ZNF215: variants seen among roughly 807,000 people sequenced by gnomAD.
ZNF215 encodes BWSCR2-associated zinc finger protein 2.
ZNF215 carries 24 observed loss-of-function variants against 27.2 expected under a neutral mutation model. The ratio of observed to expected loss-of-function variants is 0.88; its 90% confidence interval spans 0.64 to 1.24. ZNF215 has a LOEUF of 1.24. Among genes scored for constraint, ZNF215 ranks in the 50% most tolerant of loss-of-function variants. ZNF215 has a pLI of 0.00. For missense variants in ZNF215, 675 were observed against 605.7 expected, an observed-to-expected ratio of 1.11 and a Z score of -1.20; for synonymous variants, 210 against 204.0, an observed-to-expected ratio of 1.03 and a Z score of -0.25.
At chr11:6,969,701 T>C (rs183179881) in intron 5 of ZNF215, among the ~76,000 whole-genome samples, 1 of 152,308 alleles carries the variant, frequency 6.6e-6, no homozygotes, top group African/African-American at 2.4e-5. Context: ...GATTATATCC[T>C]AAGAAAAAAA....
chr11:6,991,842 GAGCAAGCTTATTATTACTAC>G (rs1318451347), downstream of ZNF215, among the ~76,000 whole-genome samples: 2 of 152,142 alleles, frequency 1.3e-5, no homozygotes, highest in African/African-American at 4.8e-5. Context: ...TGGTTAGCCA[GAGCAAGCTTATTATTACTAC>G]AACTAGTTAC....
rs1215600484 is a variant in ZNF215, at chr11:6,957,724, A to T, written c.*1193A>T. ...TGCAGTTCCTAAGAACCTATTGATG[A>T]TGTTCAGTGCAGACTTACTGTACCT... On this transcript the variant is annotated 3_prime_UTR_variant, in exon 7 of 7. Transcript: ENST00000278319. The T allele has an allele frequency of 1.0e-6, 1 of 984,644 alleles. No individual in the cohort carries two copies. Among genetic ancestry groups the T allele is most frequent in the Non-Finnish European group, 1.2e-6 (1 of 829,266 alleles). 61.0% of individuals were successfully genotyped at this position (984,644 alleles called of 1,614,324 possible). A position where few individuals can be genotyped will look rare whatever the true frequency, so the allele number is the denominator to read the frequency against.
At position 6,956,252 on chromosome 11, in the gene ZNF215, T is replaced by C. The variant is rs1850347079; in HGVS notation, c.1275T>C (p.His425=). ...FFNRRTNLTK[H]QKLHAEAKAC... is the part of the protein sequence containing the mutation. ...ACCGACGTACAAACCTTACTAAGCA[T>C]CAAAAACTTCATGCTGAAGCAAAGG... is the stretch of plus-strand genomic sequence containing the variant. Residue 425 remains histidine, a synonymous_variant, in exon 7 of 7, where the codon CAT becomes CAC. Coordinates refer to ENST00000278319, the MANE Select transcript of ZNF215 (RefSeq NM_013250.4). 6.2e-7 allele frequency: 1 copy of C among 1,613,782 alleles called. No individual in the cohort carries two copies. The highest frequency in any genetic ancestry group is 2.2e-5 in the East Asian group (1 of 44,862).
intron 5 of ZNF215, among the ~76,000 whole-genome samples, chr11:6,970,380 G>C (rs544497435): frequency 6.6e-6 from 1 of 152,278 alleles, no homozygotes; most frequent in Non-Finnish European, 1.5e-5. Flanking sequence ...ATCCTGATAT[G>C]AACAAATCTG....
At chr11:6,953,330 T>C (rs748145610) in intron 6 of ZNF215, among the ~76,000 whole-genome samples, 4 of 152,226 alleles carry the variant, frequency 2.6e-5, no homozygotes, top group Non-Finnish European at 5.9e-5. Context: ...TGCAGAGTGT[T>C]TTCTAACTTG....
chr11:6,953,754 C>T (rs1476169382), intron 6 of ZNF215, among the ~76,000 whole-genome samples: 1 of 152,218 alleles, frequency 6.6e-6, no homozygotes, highest in African/African-American at 2.4e-5. Flanking sequence ...CATTCTCCGT[C>T]CGGCTTTGTT....
rs147064951 is a variant in ZNF215, at chr11:6,973,071, G to A, written c.806-11058G>A. Among the ~76,000 whole-genome samples the A allele has an allele frequency of 7.1e-3, 1,081 of 151,904 alleles. 10 individuals carry two copies. Among genetic ancestry groups the A allele is most frequent in the African/African-American group, 0.023 (938 of 41,406 alleles). On this transcript the variant is annotated intron_variant, in intron 5 of 5. Coordinates refer to the ZNF215 transcript ENST00000529903. ...TCCCTCCCACCCCACAACAGGCCCC[G>A]GTGTGTGATGTCCCCCTTCCTGTCT...
chr11:6,938,892 A>G lies in ZNF215; in HGVS notation c.401-2679A>G, dbSNP rs150369700. On this transcript the variant is annotated intron_variant, in intron 3 of 6. Transcript: ENST00000278319. ...AAATAGCTAATATGGTGAATTTTAT[A>G]TTATGTGAATTTTGCCTTTTTTTAA... Among the ~76,000 whole-genome samples the G allele has an allele frequency of 2.2e-3, 332 of 152,266 alleles. 3 individuals are homozygous for G. Among genetic ancestry groups the G allele is most frequent in the African/African-American group, 6.8e-3 (283 of 41,564 alleles).
chr11:6,945,383 C>T (rs1420411551), intron 6 of ZNF215, among the ~76,000 whole-genome samples: 1 of 152,114 alleles, frequency 6.6e-6, no homozygotes, highest in Non-Finnish European at 1.5e-5. Flanking sequence ...CTACATCCTC[C>T]TCTAGCTATT....
downstream of ZNF215, among the ~76,000 whole-genome samples, chr11:6,991,398 G>T (rs1407642720): frequency 6.6e-6 from 1 of 152,188 alleles, no homozygotes; most frequent in East Asian, 1.9e-4. Flanking sequence ...CTGCGGCAGG[G>T]CTGGGGCTGT....
chr11:6,958,131 C>T, downstream of ZNF215: 1 of 932,332 alleles, frequency 1.1e-6, no homozygotes, highest in Non-Finnish European at 1.3e-6. Flanking sequence ...TTCGTATAAA[C>T]AAGAGATAAC....
chr11:6,977,863 T>TA (rs1220518415), intron 5 of ZNF215, among the ~76,000 whole-genome samples: 1 of 152,070 alleles, frequency 6.6e-6, no homozygotes, highest in Non-Finnish European at 1.5e-5. Flanking sequence ...TAATCACTCA[T>TA]AAAATTGAAA....
intron 6 of ZNF215, 23 bp from the exon 7 acceptor site, chr11:6,955,667 T>C (rs767999477): frequency 6.5e-7 from 1 of 1,528,546 alleles, no homozygotes; most frequent in East Asian, 2.3e-5. Context: ...TTCTAGTTCA[T>C]GGCATTTTTT....
downstream of ZNF215, among the ~76,000 whole-genome samples, chr11:6,992,439 G>A (rs571879445): frequency 2.6e-5 from 4 of 152,288 alleles, no homozygotes; most frequent in South Asian, 8.3e-4. Context: ...CCATCAATAG[G>A]ATAAACATGC....
chr11:6,975,919 C>G (rs1261867259), intron 5 of ZNF215, among the ~76,000 whole-genome samples: 1 of 152,046 alleles, frequency 6.6e-6, no homozygotes, highest in East Asian at 1.9e-4. Context: ...TTTGAGAAAC[C>G]TCCAAACTGT....
intron 5 of ZNF215, among the ~76,000 whole-genome samples, chr11:6,973,303 G>C (rs1229662334): frequency 6.6e-6 from 1 of 152,072 alleles, no homozygotes; most frequent in African/African-American, 2.4e-5. Flanking sequence ...TCATTGATGG[G>C]CATTTGGATT....
chr11:6,933,241 C>T (rs561636081), intron 3 of ZNF215, among the ~76,000 whole-genome samples: 41 of 152,300 alleles, frequency 2.7e-4, no homozygotes, highest in African/African-American at 7.9e-4. Flanking sequence ...GAATTATAAA[C>T]GTATAAATAG....
intron 6 of ZNF215, among the ~76,000 whole-genome samples, chr11:6,944,758 C>G (rs1291796544): frequency 6.6e-6 from 1 of 151,904 alleles, no homozygotes; most frequent in African/African-American, 2.4e-5. Flanking sequence ...CTGAATATTT[C>G]TTTTCTGAAA....
intron 5 of ZNF215, among the ~76,000 whole-genome samples, chr11:6,968,525 CTTT>C (rs74781650): frequency 7.3e-6 from 1 of 137,848 alleles, no homozygotes. Context: ...TATATGGAGC[CTTT>C]TTTTTTTTTT....
Sources: allele counts gnomAD v4.1 joint callset (sites outside exome capture counted in the v4.1 genomes callset), GRCh38; gene constraint gnomAD v4.1.1; transcripts MANE v1.5; gene names NCBI Gene and HGNC (gene_info 2026-07-23, HGNC 2026-07-21).